PLCG2: variants seen among roughly 807,000 people sequenced by gnomAD.
The protein encoded by PLCG2 is 1-phosphatidylinositol 4,5-bisphosphate phosphodiesterase gamma-2.
In PLCG2, 69 loss-of-function variants were observed where a neutral mutation model predicts 175.6. The ratio of observed to expected loss-of-function variants is 0.39; its 90% CI spans 0.32 to 0.48. The LOEUF (loss-of-function observed/expected upper bound fraction) is 0.48, where lower values mean the gene tolerates loss of function less well. Among genes scored for constraint, PLCG2 ranks in the 20% least tolerant of loss-of-function variants. The pLI is 0.91. For synonymous variants in PLCG2, 827 were observed against 624.0 expected (o/e 1.33, Z -4.85); for missense variants, 1,798 against 1,650.9 (o/e 1.09, Z -1.54).
chr16:81,873,652 G>A (rs1040189957), intron 7 of PLCG2, among the ~76,000 whole-genome samples: 1 of 152,082 alleles, frequency 6.6e-6, no homozygotes, highest in Non-Finnish European at 1.5e-5. Flanking sequence ...GCACATGGCT[G>A]GGAGCAGTAG....
chr16:81,854,833 G>A (rs1906601056), intron 3 of PLCG2, among the ~76,000 whole-genome samples: 1 of 152,156 alleles, frequency 6.6e-6, no homozygotes, highest in South Asian at 2.1e-4. Context: ...GGGGTATTGT[G>A]AGGAGTATGT....
chr16:81,939,843 A>G, intron 29 of PLCG2, 49 bp from the exon 30 acceptor site: 1 of 1,314,548 alleles, frequency 7.6e-7, no homozygotes, highest in Non-Finnish European at 1.1e-6. Context: ...GTCTTACCAG[A>G]AGGGGGCAGC....
intron 12 of PLCG2, chr16:81,895,559 TAA>T (rs775242910): frequency 7.8e-3 from 2,762 of 354,040 alleles, no homozygotes; most frequent in South Asian, 0.011. Context: ...GACTCTGTCT[TAA>T]AAAAAAAAAA....
At chr16:81,935,693 C>A in intron 26 of PLCG2, 2 of 985,348 alleles carry the variant, frequency 2.0e-6, no homozygotes, top group South Asian at 9.4e-5. Flanking sequence ...GGCCTGTCCC[C>A]TTCCCTCTCC....
intron 5 of PLCG2, among the ~76,000 whole-genome samples, chr16:81,862,487 G>A (rs1907030981): frequency 6.6e-6 from 1 of 152,210 alleles, no homozygotes; most frequent in Non-Finnish European, 1.5e-5. Flanking sequence ...CTTGACTAAA[G>A]CAGCCCAGGT....
chr16:81,883,237 T>C (rs779871160), intron 8 of PLCG2, 32 bp from the exon 9 acceptor site: 101 of 1,601,718 alleles, frequency 6.3e-5, no homozygotes, highest in Non-Finnish European at 8.0e-5. Flanking sequence ...AATGTGTCTG[T>C]CTCTAACTGC....
intron 31 of PLCG2, among the ~76,000 whole-genome samples, chr16:81,947,277 T>C: frequency 6.6e-6 from 1 of 152,236 alleles, no homozygotes; most frequent in Non-Finnish European, 1.5e-5. Context: ...AGGGGCGTTG[T>C]GTGGGGTTCT....
Position 81,961,976 on chromosome 16 carries a change from G to T in PLCG2, c.*3978G>T. On this transcript the variant is annotated 3_prime_UTR_variant, in exon 33 of 33. Coordinates refer to ENST00000564138, the MANE Select transcript of PLCG2 (RefSeq NM_002661.5). ...CATCTGTCACCCCATTGATCGCCAGGGTTGATTCGGCTGATCTGGCTGGCT... is the reference window on the plus strand; with the variant it reads ...CATCTGTCACCCCATTGATCGCCAGTGTTGATTCGGCTGATCTGGCTGGCT... 1 of 197,028 alleles carries T rather than the reference G, an allele frequency of 5.1e-6. No homozygotes were observed. Among genetic ancestry groups the T allele is most frequent in the Non-Finnish European group, 1.1e-5 (1 of 93,070 alleles). 12.2% of individuals were successfully genotyped at this position (197,028 alleles called of 1,614,324 possible). A position where few individuals can be genotyped will look rare whatever the true frequency, so the allele number is the denominator to read the frequency against.
intron 2 of PLCG2, among the ~76,000 whole-genome samples, chr16:81,827,827 A>G (rs150295322): frequency 0.013 from 1,944 of 152,202 alleles, 60 homozygotes; most frequent in African/African-American, 0.044. Context: ...ACGGTGGTTC[A>G]TGCCTGTAAT....
chr16:81,962,093 G>A lies in PLCG2; in HGVS notation c.*4095G>A, dbSNP rs1020726243. 1.1e-5 allele frequency: 2 copies of A among 186,016 alleles called. No individual in the cohort carries two copies. Among genetic ancestry groups the A allele is most frequent in the African/African-American group, 2.3e-5 (1 of 42,642 alleles). 11.5% of individuals were successfully genotyped at this position (186,016 alleles called of 1,614,324 possible). A position where few individuals can be genotyped will look rare whatever the true frequency, so the allele number is the denominator to read the frequency against. ...AAGAGGACGACCAACCCCGATAGAG[G>A]AGGACCGGTCTTCGGTCAAGGGTAT... On this transcript the variant is annotated 3_prime_UTR_variant, in exon 33 of 33. Transcript: ENST00000564138.
intron 2 of PLCG2, among the ~76,000 whole-genome samples, chr16:81,761,355 A>T (rs1231080663): frequency 6.6e-6 from 1 of 152,202 alleles, no homozygotes; most frequent in Non-Finnish European, 1.5e-5. Context: ...ACAGGGCCAG[A>T]CCTTGTCTTT....
At chr16:81,786,590 T>G (rs1251152948) in intron 2 of PLCG2, among the ~76,000 whole-genome samples, 1 of 152,210 alleles carries the variant, frequency 6.6e-6, no homozygotes. Context: ...CTTGTTTTAC[T>G]GCATACCATA....
At chr16:81,941,035 G>C (rs923677116) in intron 30 of PLCG2, among the ~76,000 whole-genome samples, 8 of 151,980 alleles carry the variant, frequency 5.3e-5, no homozygotes, top group Non-Finnish European at 1.0e-4. Flanking sequence ...AAAGATGACT[G>C]TCATTTTAGT....
chr16:81,765,346 G>A (rs1043897735), intron 2 of PLCG2, among the ~76,000 whole-genome samples: 1 of 152,226 alleles, frequency 6.6e-6, no homozygotes, highest in South Asian at 2.1e-4. Context: ...AAGCAACCAT[G>A]CCGGCCAGGT....
At chr16:81,820,022 C>T (rs547971587) in intron 2 of PLCG2, among the ~76,000 whole-genome samples, 82 of 152,340 alleles carry the variant, frequency 5.4e-4, no homozygotes, top group Non-Finnish European at 1.0e-3. Context: ...CCAGGGAGCA[C>T]TGGACCCAAA....
At chr16:81,851,466 G>T (rs187994351) in intron 2 of PLCG2, among the ~76,000 whole-genome samples, 1 of 152,346 alleles carries the variant, frequency 6.6e-6, no homozygotes, top group East Asian at 1.9e-4. Flanking sequence ...TGCACAGGAT[G>T]TAGATGACGT....
intron 5 of PLCG2, among the ~76,000 whole-genome samples, chr16:81,868,075 A>G (rs1403315335): frequency 6.6e-6 from 1 of 152,204 alleles, no homozygotes; most frequent in African/African-American, 2.4e-5. Context: ...GTGACCGAGC[A>G]CTGGAATTTG....
At chr16:81,795,645 T>G (rs1911434427) in intron 2 of PLCG2, among the ~76,000 whole-genome samples, 1 of 151,726 alleles carries the variant, frequency 6.6e-6, no homozygotes, top group South Asian at 2.1e-4. Context: ...CTCAGGAGGT[T>G]GGAGGTTTCT....
At chr16:81,816,652 T>C (rs4889403) in intron 2 of PLCG2, among the ~76,000 whole-genome samples, 1,204 of 1,588 alleles carry the variant, frequency 0.76, 481 homozygotes, top group Middle Eastern at 1. Context: ...CTAATTTTAA[T>C]TTTTTTTTTT....
Sources: allele counts gnomAD v4.1 joint callset (sites outside exome capture counted in the v4.1 genomes callset), GRCh38; gene constraint gnomAD v4.1.1; transcripts MANE v1.5; gene names NCBI Gene and HGNC (gene_info 2026-07-23, HGNC 2026-07-21).